Variants in NPSR1 observed in about 807,000 individuals in gnomAD.
NPSR1 encodes the protein neuropeptide S receptor 1, also known as neuropeptide S receptor.
In NPSR1, 48 loss-of-function variants were observed where a neutral mutation model predicts 46.9. That is an observed-to-expected ratio of 1.02 (90% CI 0.81 to 1.30). The LOEUF (loss-of-function observed/expected upper bound fraction) is 1.30. Ranked by LOEUF, NPSR1 falls within the 50% of genes most tolerant of loss-of-function variation. The pLI is 0.00. For synonymous variants in NPSR1, 176 were observed against 168.1 expected (o/e 1.05, Z -0.36); for missense variants, 450 against 449.5 (o/e 1.00, Z -0.01).
chr7:34,859,683 C>G (rs1791139774), intron 8 of NPSR1, among the ~76,000 whole-genome samples: 2 of 151,828 alleles, frequency 1.3e-5, no homozygotes, highest in South Asian at 4.1e-4. Context: ...CCAATGTTCT[C>G]AAACCTGGCT....
chr7:34,778,071 T>C (rs1312980924), intron 2 of NPSR1, among the ~76,000 whole-genome samples: 1 of 152,202 alleles, frequency 6.6e-6, no homozygotes, highest in Non-Finnish European at 1.5e-5. Flanking sequence ...AGGGGAATTT[T>C]GAAGTATTCT....
chr7:34,716,464 TCTC>T (rs1246819152), intron 2 of NPSR1, among the ~76,000 whole-genome samples: 1 of 152,196 alleles, frequency 6.6e-6, no homozygotes, highest in Non-Finnish European at 1.5e-5. Context: ...AAATCCTCGT[TCTC>T]CTGCTTTCTA....
intron 2 of NPSR1, among the ~76,000 whole-genome samples, chr7:34,732,100 A>T (rs1270888687): frequency 6.7e-6 from 1 of 149,584 alleles, no homozygotes; most frequent in Non-Finnish European, 1.5e-5. Flanking sequence ...AAAAAAAAAA[A>T]AAATAGCAAC....
intron 4 of NPSR1, among the ~76,000 whole-genome samples, chr7:34,814,432 CT>C (rs1389718914): frequency 1.3e-5 from 2 of 152,260 alleles, no homozygotes; most frequent in African/African-American, 4.8e-5. Flanking sequence ...GCAAGGCCTA[CT>C]GCCTCTATAG....
At chr7:34,805,327 C>G (rs1268995962) in intron 3 of NPSR1, among the ~76,000 whole-genome samples, 4 of 151,594 alleles carry the variant, frequency 2.6e-5, no homozygotes, top group African/African-American at 9.7e-5. Context: ...GTAAAAGAAT[C>G]AACAAGTAGA....
intron 2 of NPSR1, among the ~76,000 whole-genome samples, chr7:34,766,629 G>T (rs1786445127): frequency 6.6e-6 from 1 of 151,556 alleles, no homozygotes; most frequent in Admixed American, 6.6e-5. Context: ...CTGGAGTGCA[G>T]TGGCGCAACC....
At chr7:34,874,632 A>C (rs1791534981) in intron 8 of NPSR1, among the ~76,000 whole-genome samples, 1 of 152,206 alleles carries the variant, frequency 6.6e-6, no homozygotes, top group African/African-American at 2.4e-5. Flanking sequence ...CTGAAAGCTG[A>C]AAGGGTTGGA....
At chr7:34,659,735 C>T (rs185156702) in intron 1 of NPSR1, among the ~76,000 whole-genome samples, 6 of 152,254 alleles carry the variant, frequency 3.9e-5, no homozygotes, top group Non-Finnish European at 5.9e-5. Context: ...CACAGCTCCA[C>T]GATGTAGCTT....
At chr7:34,861,747 C>T (rs1375310610) in intron 8 of NPSR1, among the ~76,000 whole-genome samples, 2 of 151,836 alleles carry the variant, frequency 1.3e-5, no homozygotes, top group Admixed American at 1.3e-4. Flanking sequence ...CAGAGCTAAG[C>T]ATGCTTGGTT....
rs562075050 is a variant in NPSR1, at chr7:34,752,003, A to T, written c.281-26459A>T. On this transcript the variant is annotated intron_variant, in intron 2 of 8. Transcript: ENST00000360581. ...TACTGTCAGAGATGTTGGCGATGGC[A>T]TGGCACACCTGCTGGGCCAGCCGGT... The T allele has an allele frequency of 5.2e-4, 418 of 811,224 alleles. 3 individuals carry two copies. Among genetic ancestry groups the T allele is most frequent in the East Asian group, 1.7e-4 (7 of 40,416 alleles). 50.3% of individuals were successfully genotyped at this position (811,224 alleles called of 1,614,324 possible). A position where few individuals can be genotyped will look rare whatever the true frequency, so the allele number is the denominator to read the frequency against.
At chr7:34,745,255 C>A (rs1313809705) in intron 2 of NPSR1, among the ~76,000 whole-genome samples, 1 of 152,146 alleles carries the variant, frequency 6.6e-6, no homozygotes, top group East Asian at 1.9e-4. Context: ...ATTCATTATG[C>A]CTCTTCACTT....
chr7:34,772,807 C>T (rs182636008), intron 2 of NPSR1, among the ~76,000 whole-genome samples: 24 of 152,228 alleles, frequency 1.6e-4, no homozygotes, highest in Admixed American at 1.3e-3. Flanking sequence ...AAGTAAATTG[C>T]CTGTGTTCTC....
chr7:34,710,993 C>A, intron 2 of NPSR1: 1 of 359,232 alleles, frequency 2.8e-6, no homozygotes, highest in South Asian at 2.5e-5. Flanking sequence ...AAAAGCTGAC[C>A]ACTTCTATGT....
chr7:34,847,642 G>C (rs575549163), intron 7 of NPSR1, among the ~76,000 whole-genome samples: 1 of 152,176 alleles, frequency 6.6e-6, no homozygotes, highest in South Asian at 2.1e-4. Flanking sequence ...CAAGCAGAGT[G>C]AATCTTCTCT....
chr7:34,843,251 A>T (rs1790633558), intron 6 of NPSR1, among the ~76,000 whole-genome samples: 1 of 152,208 alleles, frequency 6.6e-6, no homozygotes, highest in South Asian at 2.1e-4. Flanking sequence ...ATGGTTCTAG[A>T]GGCTGGGAAA....
intron 4 of NPSR1, among the ~76,000 whole-genome samples, chr7:34,820,070 G>T (rs986504733): frequency 5.3e-5 from 8 of 152,078 alleles, no homozygotes; most frequent in Admixed American, 5.2e-4. Context: ...TTAAAAAAAA[G>T]AATTTGCTAA....
At chr7:34,808,369 A>G (rs754671718) in intron 3 of NPSR1, among the ~76,000 whole-genome samples, 3 of 152,236 alleles carry the variant, frequency 2.0e-5, no homozygotes, top group Non-Finnish European at 4.4e-5. Context: ...ATTTTACTCT[A>G]TCATAGCTTA....
intron 4 of NPSR1, among the ~76,000 whole-genome samples, chr7:34,812,463 C>A (rs935608830): frequency 6.6e-6 from 1 of 152,190 alleles, no homozygotes; most frequent in East Asian, 1.9e-4. Context: ...GGATGGGAGG[C>A]CTTAGGAGCA....
intron 8 of NPSR1, among the ~76,000 whole-genome samples, chr7:34,867,093 A>G (rs1218531936): frequency 6.6e-6 from 1 of 151,560 alleles, no homozygotes; most frequent in East Asian, 1.9e-4. Flanking sequence ...GAGCACAAGT[A>G]CCCATAAACA....
Sources: allele counts gnomAD v4.1 joint callset (sites outside exome capture counted in the v4.1 genomes callset), GRCh38; gene constraint gnomAD v4.1.1; transcripts MANE v1.5; gene names NCBI Gene and HGNC (gene_info 2026-07-23, HGNC 2026-07-21).